Variants in HMGN2 observed in about 807,000 individuals in gnomAD.
The protein encoded by HMGN2 is high mobility group nucleosomal binding domain 2.
A neutral mutation model predicts 16.9 loss-of-function variants in HMGN2; 2 were observed. The observed-to-expected ratio is 0.12, with a 90% CI of 0.05 to 0.37. The LOEUF (loss-of-function observed/expected upper bound fraction) is 0.37. Among genes scored for constraint, HMGN2 ranks in the 10% least tolerant of loss-of-function variants. The pLI, the probability that HMGN2 is intolerant of heterozygous loss-of-function variation, is 1.00. For synonymous variants in HMGN2, 31 were observed against 34.9 expected (o/e 0.89, Z 0.39); for missense variants, 90 against 106.0 (o/e 0.85, Z 0.66).
In HMGN2 at chr1:26,473,626, A is replaced by T; in HGVS notation, c.61-77A>T. 2.6e-6 allele frequency: 4 copies of T among 1,564,886 alleles called. No individual in the cohort carries two copies. The South Asian group carries it at 4.4e-5, about 17-fold the overall frequency. ...CTGTGTCCTGAATTTACACTCCTAT[A>T]ATCTAGAGCAAATTGATACCAAACT... On this transcript the variant is annotated intron_variant, in intron 2 of 5. Coordinates refer to ENST00000361427, the MANE Select transcript of HMGN2 (RefSeq NM_005517.4).
chr1:26,474,501 C>T, intron 4 of HMGN2, 71 bp from the exon 5 acceptor site: 2 of 761,820 alleles, frequency 2.6e-6, no homozygotes, highest in Non-Finnish European at 4.7e-6. Flanking sequence ...CTACCTTGTG[C>T]AGAACTTTGC....
chr1:26,473,844 C>G, intron 3 of HMGN2, 112 bp downstream of exon 3: 1 of 1,134,890 alleles, frequency 8.8e-7, no homozygotes, highest in Non-Finnish European at 1.3e-6. Flanking sequence ...GAATCATTGC[C>G]TCTACTTGGG....
intron 2 of HMGN2, 37 bp downstream of exon 2, chr1:26,473,564 C>G: frequency 1.9e-6 from 3 of 1,573,936 alleles, no homozygotes; most frequent in Non-Finnish European, 2.6e-6. Flanking sequence ...AAGCCTTGGA[C>G]TAGCAGAGGC....
At position 26,475,184 on chromosome 1, in the gene HMGN2, G is replaced by A; in HGVS notation, c.*36G>A. ...TTTTTGATAACTGTGTACTTCTGGT[G>A]ACTGTACAGTTTGAAATACTATTTT... On this transcript the variant is annotated 3_prime_UTR_variant, in exon 6 of 6. Coordinates refer to ENST00000361427, the MANE Select transcript of HMGN2 (RefSeq NM_005517.4). 1 of 1,316,736 alleles carries A rather than the reference G, an allele frequency of 7.6e-7. No homozygotes were observed. Among genetic ancestry groups the A allele is most frequent in the East Asian group, 2.3e-5 (1 of 43,432 alleles). The allele number at this position is 1,316,736 out of a possible 1,614,324, so 81.6% of individuals were successfully genotyped here.
intron 1 of HMGN2, chr1:26,473,138 C>G (rs1020206080): frequency 3.3e-6 from 1 of 303,006 alleles, no homozygotes; most frequent in Non-Finnish European, 6.1e-6. Flanking sequence ...GGGCTGCGCG[C>G]GCCTCCCTCT....
intron 5 of HMGN2, 135 bp from the exon 6 acceptor site, chr1:26,474,978 T>C (rs1203415893): frequency 1.4e-6 from 1 of 728,212 alleles, no homozygotes; most frequent in Non-Finnish European, 2.4e-6. Flanking sequence ...AGTAAGTCAT[T>C]CTCAGAAGAA....
At chr1:26,472,690 C>T in intron 1 of HMGN2, 63 bp downstream of exon 1, 7 of 1,432,812 alleles carry the variant, frequency 4.9e-6, no homozygotes, top group South Asian at 2.5e-5. Flanking sequence ...CGCCGCCTCC[C>T]TGGTGCAGGG....
chr1:26,472,604 G>A lies in HMGN2; in HGVS notation c.-9G>A. The stretch of plus-strand genomic sequence containing the variant: ...GCACCTACGTCCCGCTGCCGTCGCC[G>A]CCGCCACCATGCCCAAGAGAAAGGT... On this transcript the variant is annotated 5_prime_UTR_variant, in exon 1 of 6. Coordinates refer to ENST00000361427, the MANE Select transcript of HMGN2 (RefSeq NM_005517.4). The A allele has an allele frequency of 1.3e-6, 2 of 1,534,584 alleles. No homozygotes were observed. Among genetic ancestry groups the A allele is most frequent in the South Asian group, 2.4e-5 (2 of 84,158 alleles).
At chr1:26,474,425 C>T in intron 4 of HMGN2, 147 bp from the exon 5 acceptor site, 1 of 623,326 alleles carries the variant, frequency 1.6e-6, no homozygotes, top group South Asian at 2.0e-5. Flanking sequence ...GATAATTTAG[C>T]CTAGTTTTGA....
At chr1:26,473,820 T>G in intron 3 of HMGN2, 88 bp downstream of exon 3, 2 of 1,343,824 alleles carry the variant, frequency 1.5e-6, no homozygotes, top group Non-Finnish European at 2.1e-6. Context: ...GAATTATGGT[T>G]AGTGCCTGGT....
rs1197824122 is a variant in HMGN2, at chr1:26,475,589, C to T, written c.*441C>T. On this transcript the variant is annotated 3_prime_UTR_variant, in exon 6 of 6. Coordinates refer to ENST00000361427, the MANE Select transcript of HMGN2 (RefSeq NM_005517.4). Reference sequence around the variant, plus strand: ...CCCTAGTCATTGGTTACCAGTGTGTCAGGCAATCTGGACTTTCCAGTGATG... The same window carrying T: ...CCCTAGTCATTGGTTACCAGTGTGTTAGGCAATCTGGACTTTCCAGTGATG... 1 of 314,212 alleles carries T rather than the reference C, an allele frequency of 3.2e-6. No homozygotes were observed. The highest frequency in any genetic ancestry group is 2.2e-5 in the African/African-American group (1 of 44,812). 19.5% of individuals were successfully genotyped at this position (314,212 alleles called of 1,614,324 possible). A position where few individuals can be genotyped will look rare whatever the true frequency, so the allele number is the denominator to read the frequency against.
At chr1:26,473,052 TG>T (rs2075584023) in intron 1 of HMGN2, among the ~76,000 whole-genome samples, 1 of 151,744 alleles carries the variant, frequency 6.6e-6, no homozygotes, top group African/African-American at 2.4e-5. Context: ...GGGCGGGGCT[TG>T]TGCGGTATGG....
rs774791048 is a variant in HMGN2, at chr1:26,473,705, A to C, written c.63A>C (p.Pro21=). The change falls in exon 3 of 6, where the codon CCA becomes CCC. Residue 21 remains proline (P), a splice_region_variant and synonymous_variant. Transcript: ENST00000361427. ...AACTTTCTCGTTGTCTTTAATAGCC[A>C]CAGAGAAGATCCGCGAGGTTGTCTG... ...KGDKAKVKDE[P]QRRSARLSAK... is the part of the protein sequence containing the mutation. 1 of 1,614,082 alleles carries C rather than the reference A, an allele frequency of 6.2e-7. No homozygotes were observed. Among genetic ancestry groups the C allele is most frequent in the Non-Finnish European group, 8.5e-7 (1 of 1,179,980 alleles).
chr1:26,473,313 C>T (rs1004418188), intron 1 of HMGN2, 170 bp from the exon 2 acceptor site: 11 of 588,106 alleles, frequency 1.9e-5, no homozygotes, highest in African/African-American at 1.7e-4. Context: ...GTCGGCGAGC[C>T]GGAGCTCCTG....
rs1031123655 is a variant in HMGN2 at position 26,475,419 on chromosome 1, T to C, written c.*271T>C. On this transcript the variant is annotated 3_prime_UTR_variant, in exon 6 of 6. Transcript: ENST00000361427. Reference sequence around the variant, plus strand: ...TCCTCTTGGCTCCCAGGAGGAGGGATTCCCTGACTTTGACACACATGGCCA... The same window carrying C: ...TCCTCTTGGCTCCCAGGAGGAGGGACTCCCTGACTTTGACACACATGGCCA... 2.2e-5 allele frequency: 8 copies of C among 357,556 alleles called. No homozygotes were observed. Among genetic ancestry groups the C allele is most frequent in the Non-Finnish European group, 4.1e-5 (8 of 194,764 alleles). The allele number at this position is 357,556 out of a possible 1,614,324, so 22.1% of individuals were successfully genotyped here.
At position 26,475,391 on chromosome 1, in the gene HMGN2, A is replaced by G; in HGVS notation, c.*243A>G. The G allele has an allele frequency of 2.6e-6, 1 of 384,442 alleles. No individual in the cohort carries two copies. The highest frequency in any genetic ancestry group is 4.3e-5 in the East Asian group (1 of 23,146). 23.8% of individuals were successfully genotyped at this position (384,442 alleles called of 1,614,324 possible). On this transcript the variant is annotated 3_prime_UTR_variant, in exon 6 of 6. Coordinates refer to ENST00000361427, the MANE Select transcript of HMGN2 (RefSeq NM_005517.4). ...CACCTTTCCCTTCTAGTTTTGAGAG[A>G]CTTCCTCTTGGCTCCCAGGAGGAGG...
chr1:26,474,058 T>G (rs1162873315), intron 3 of HMGN2, 27 bp from the exon 4 acceptor site: 1 of 1,601,556 alleles, frequency 6.2e-7, no homozygotes, highest in South Asian at 1.1e-5. Context: ...TGATGTTCAC[T>G]TTTTCCTCTC....
chr1:26,475,015 G>T, intron 5 of HMGN2, 98 bp from the exon 6 acceptor site: 2 of 1,006,948 alleles, frequency 2.0e-6, no homozygotes, highest in South Asian at 2.8e-5. Context: ...CCTGAAACCT[G>T]AACTTTGGCC....
At position 26,472,563 on chromosome 1, in the gene HMGN2, C is replaced by T. The variant is rs1177153030; in HGVS notation, c.-50C>T. On this transcript the variant is annotated 5_prime_UTR_variant, in exon 1 of 6. Transcript: ENST00000361427. ...CGGACCGACCAAAGCCCGCGCGCCG[C>T]TGCATCCCGCGTCCAGCACCTACGT... 1.3e-6 allele frequency: 2 copies of T among 1,535,330 alleles called. No individual in the cohort carries two copies. The highest frequency in any genetic ancestry group is 3.9e-5 in the Admixed American group (2 of 51,308).
Sources: allele counts gnomAD v4.1 joint callset (sites outside exome capture counted in the v4.1 genomes callset), GRCh38; gene constraint gnomAD v4.1.1; transcripts MANE v1.5; gene names NCBI Gene and HGNC (gene_info 2026-07-23, HGNC 2026-07-21).